NUP42: variants seen among roughly 807,000 people sequenced by gnomAD.
NUP42 encodes the protein nucleoporin NUP42.
A neutral mutation model predicts 35.9 loss-of-function variants in NUP42; 47 were observed. That is an observed-to-expected ratio of 1.31 (90% CI 1.04 to 1.67). The LOEUF (loss-of-function observed/expected upper bound fraction) is 1.67, where lower values mean the gene tolerates loss of function less well. Ranked by LOEUF, NUP42 falls within the 40% of genes most tolerant of loss-of-function variation. The pLI is 0.00. For synonymous variants in NUP42, 173 were observed against 173.3 expected, an observed-to-expected ratio of 1.00 and a Z score of 0.01; for missense variants, 514 against 492.2, an observed-to-expected ratio of 1.04 and a Z score of -0.42.
intron 3 of NUP42, among the ~76,000 whole-genome samples, chr7:23,190,254 C>T (rs2128473479): frequency 6.6e-6 from 1 of 152,288 alleles, no homozygotes; most frequent in South Asian, 2.1e-4. Flanking sequence ...TGCCCATTTT[C>T]TTCATACACT....
intron 3 of NUP42, among the ~76,000 whole-genome samples, chr7:23,191,535 C>G (rs1242364676): frequency 1.3e-5 from 2 of 152,110 alleles, no homozygotes; most frequent in African/African-American, 4.8e-5. Flanking sequence ...ATGGGGAAGA[C>G]AAGTCATTAG....
intron 4 of NUP42, chr7:23,196,453 C>A: frequency 2.1e-6 from 1 of 471,652 alleles, no homozygotes; most frequent in South Asian, 2.6e-5. Context: ...CTGCCAGGTA[C>A]TTGTGATACT....
At chr7:23,191,535 CAAGT>C (rs1785792246) in intron 3 of NUP42, among the ~76,000 whole-genome samples, 1 of 152,110 alleles carries the variant, frequency 6.6e-6, no homozygotes, top group Non-Finnish European at 1.5e-5. Flanking sequence ...ATGGGGAAGA[CAAGT>C]CATTAGAAGG....
At chr7:23,198,552 T>C (rs950996443) in intron 5 of NUP42, among the ~76,000 whole-genome samples, 1 of 152,156 alleles carries the variant, frequency 6.6e-6, no homozygotes, top group Admixed American at 6.6e-5. Context: ...TCGCTTATGT[T>C]TGCTTTGGAT....
chr7:23,182,927 G>A (rs1353689726), intron 1 of NUP42, among the ~76,000 whole-genome samples: 4 of 150,072 alleles, frequency 2.7e-5, no homozygotes, highest in African/African-American at 9.8e-5. Context: ...AAAAAAGAAA[G>A]AAAGAAAAGA....
chr7:23,183,429 C>G (rs1161791832), intron 1 of NUP42, among the ~76,000 whole-genome samples: 1 of 152,080 alleles, frequency 6.6e-6, no homozygotes, highest in African/African-American at 2.4e-5. Flanking sequence ...CCATTTTGGC[C>G]ATACCGGTCT....
At chr7:23,200,104 T>G in intron 6 of NUP42, 64 bp from the exon 7 acceptor site, 2 of 1,142,594 alleles carry the variant, frequency 1.8e-6, no homozygotes, top group Non-Finnish European at 2.4e-6. Context: ...GAGGAAATAA[T>G]TGTGACATTT....
chr7:23,185,181 C>T lies in NUP42; in HGVS notation c.233C>T (p.Pro78Leu). The T allele has an allele frequency of 1.9e-6, 3 of 1,614,092 alleles. No homozygotes were observed. The highest frequency in any genetic ancestry group is 2.5e-6 in the Non-Finnish European group (3 of 1,179,996). ...GGGGGCAGCAGAGATCAAGAAAAGC[C>T]ATATTTCAGTTCTTTTGATTCTGGA... is the stretch of plus-strand genomic sequence containing the variant. ...PWGGSRDQEK[P>L]YFSSFDSGAS... The change falls in exon 2 of 7, where the codon CCA becomes CTA. Residue 78 changes from proline to leucine, a missense_variant. Coordinates refer to ENST00000258742, the MANE Select transcript of NUP42 (RefSeq NM_007342.3).
At chr7:23,192,452 CAGG>C (rs1327785221) in intron 3 of NUP42, among the ~76,000 whole-genome samples, 2 of 147,972 alleles carry the variant, frequency 1.4e-5, no homozygotes, top group African/African-American at 5.0e-5. Context: ...GAGGCTGAGG[CAGG>C]AGAATTGCCT....
At chr7:23,189,327 T>C (rs781694411) in intron 3 of NUP42, among the ~76,000 whole-genome samples, 20 of 152,200 alleles carry the variant, frequency 1.3e-4, no homozygotes, top group Admixed American at 7.2e-4. Context: ...CATTCACAAA[T>C]GTGAGGGCCA....
intron 1 of NUP42, 99 bp downstream of exon 1, chr7:23,182,305 G>C (rs750493983): frequency 6.6e-7 from 1 of 1,505,816 alleles, no homozygotes; most frequent in Non-Finnish European, 8.9e-7. Context: ...TGACCCCAAC[G>C]TGCCCGCGTC....
At chr7:23,182,678 A>G (rs1785450964) in intron 1 of NUP42, among the ~76,000 whole-genome samples, 1 of 147,850 alleles carries the variant, frequency 6.8e-6, no homozygotes, top group Non-Finnish European at 1.5e-5. Context: ...CGGGCGGATC[A>G]CGAGGTCAGG....
At chr7:23,192,546 C>CAAAAAAA (rs200047613) in intron 3 of NUP42, among the ~76,000 whole-genome samples, 2 of 65,320 alleles carry the variant, frequency 3.1e-5, no homozygotes, top group East Asian at 4.5e-4. Context: ...GACTTCATCT[C>CAAAAAAA]AAAAAAAAAA....
Position 23,186,189 on chromosome 7 carries a change from G to A in NUP42, c.351-863G>A, listed in dbSNP as rs77237486. On this transcript the variant is annotated intron_variant, in intron 2 of 6. Transcript: ENST00000258742. ...TATGGCTGGTGTCAAAACAATGCTT[G>A]GCTATCTGTAATGTTCTCTCAACTC... Among the ~76,000 whole-genome samples the A allele has an allele frequency of 6.6e-5, 10 of 152,276 alleles. No homozygotes were observed. In the East Asian group the frequency reaches 1.9e-3, roughly 29 times the overall value.
chr7:23,187,925 GAATATTC>G, intron 3 of NUP42: 2 of 548,498 alleles, frequency 3.6e-6, no homozygotes, highest in Non-Finnish European at 3.1e-6. Context: ...ATTTGCTTTA[GAATATTC>G]TCTGTCTCTC....
intron 3 of NUP42, chr7:23,195,464 T>TTATATATGTTAAA (rs1785980543): frequency 6.1e-6 from 1 of 164,018 alleles, no homozygotes; most frequent in African/African-American, 2.4e-5. Context: ...TCTTCTCTTG[T>TTATATATGTTAAA]CATATATGTT....
chr7:23,196,734 A>G lies in NUP42; in HGVS notation c.577A>G (p.Lys193Glu), dbSNP rs1786024559. Reference sequence around the variant, plus strand: ...ATGGAGGAACAGGGTAAATGAACTGAAAAGTCTAAATATATCAACTAAAGT... The same window carrying G: ...ATGGAGGAACAGGGTAAATGAACTGGAAAGTCTAAATATATCAACTAAAGT... The part of the protein sequence containing the change: ...NQWRNRVNEL[K>E]SLNISTKVAL... The change falls in exon 5 of 7, where the codon AAA becomes GAA. Residue 193 changes from lysine to glutamate, a missense_variant. By Grantham distance (56) the Lys-to-Glu change is moderately conservative. Transcript: ENST00000258742. 1 of 1,612,138 alleles carries G rather than the reference A, an allele frequency of 6.2e-7. No individual in the cohort carries two copies. The highest frequency in any genetic ancestry group is 1.7e-5 in the Admixed American group (1 of 59,988).
At chr7:23,194,720 G>A (rs905447451) in intron 3 of NUP42, 3 of 164,678 alleles carry the variant, frequency 1.8e-5, no homozygotes, top group Admixed American at 6.7e-5. Flanking sequence ...ACGGAGTCTC[G>A]CTTTGTTGCC....
chr7:23,200,611 A>G lies in NUP42; in HGVS notation c.1138A>G (p.Ile380Val), dbSNP rs1163626647. Residue 380 changes from isoleucine to valine, a missense_variant, in exon 7 of 7, where the codon ATT (isoleucine) becomes GTT (valine). Ile to Val is a conservative substitution (Grantham distance 29). Coordinates refer to ENST00000258742, the MANE Select transcript of NUP42 (RefSeq NM_007342.3). Reference protein sequence around the residue: ...STSLSASSSIIATDNVLFTPR... With the variant: ...STSLSASSSIVATDNVLFTPR... Reference sequence around the variant, plus strand: ...TTCTCTGTCAGCCTCAAGCAGCATCATTGCAACAGATAATGTGTTATTCAC... The same window carrying G: ...TTCTCTGTCAGCCTCAAGCAGCATCGTTGCAACAGATAATGTGTTATTCAC... 1.2e-6 allele frequency: 2 copies of G among 1,614,220 alleles called. No individual in the cohort carries two copies. The highest frequency in any genetic ancestry group is 1.1e-5 in the South Asian group (1 of 91,086).
Sources: gnomAD v4.1 joint callset for allele counts (sites outside exome capture counted in the v4.1 genomes callset) on GRCh38, gnomAD v4.1.1 for gene constraint, MANE v1.5 for transcripts, NCBI Gene and HGNC (gene_info 2026-07-23, HGNC 2026-07-21) for gene names.